DMXL1: variants seen among roughly 807,000 people sequenced by gnomAD.
DMXL1 encodes the protein Dmx like 1.
A neutral mutation model predicts 319.2 loss-of-function variants in DMXL1; 99 were observed. The observed-to-expected ratio is 0.31, with a 90% confidence interval of 0.26 to 0.37. The LOEUF is 0.37. Ranked by LOEUF, DMXL1 falls within the 10% of genes least tolerant of loss-of-function variation. The pLI is 1.00. For missense variants in DMXL1, 3,745 were observed against 3,595.6 expected, an observed-to-expected ratio of 1.04 and a Z score of -1.06; for synonymous variants, 1,385 against 1,235.2, an observed-to-expected ratio of 1.12 and a Z score of -2.54.
intron 8 of DMXL1, among the ~76,000 whole-genome samples, chr5:119,119,944 G>A (rs887272595): frequency 2.0e-5 from 3 of 151,770 alleles, no homozygotes; most frequent in Admixed American, 6.6e-5. Context: ...GTAGTGGGGC[G>A]ATACCAGCTC....
intron 19 of DMXL1, among the ~76,000 whole-genome samples, chr5:119,155,076 G>T (rs1052318626): frequency 1.3e-5 from 2 of 152,148 alleles, no homozygotes; most frequent in South Asian, 2.1e-4. Context: ...ATTTCCTTTC[G>T]AAATATTGCT....
At chr5:119,204,348 A>G (rs1420468497) in intron 33 of DMXL1, among the ~76,000 whole-genome samples, 1 of 152,156 alleles carries the variant, frequency 6.6e-6, no homozygotes, top group African/African-American at 2.4e-5. Flanking sequence ...CATATTGCCC[A>G]GGGTGGTCTT....
intron 38 of DMXL1, among the ~76,000 whole-genome samples, chr5:119,227,412 C>T (rs368684871): frequency 1.3e-5 from 2 of 152,024 alleles, no homozygotes; most frequent in Non-Finnish European, 2.9e-5. Flanking sequence ...TTTTAAAAAC[C>T]TCTTGAGGCT....
intron 32 of DMXL1, among the ~76,000 whole-genome samples, chr5:119,199,015 T>G (rs943608479): frequency 2.0e-5 from 3 of 152,168 alleles, no homozygotes; most frequent in Admixed American, 1.3e-4. Flanking sequence ...CCCTCCTGAA[T>G]AGCTGGGATC....
At chr5:119,191,050 T>A (rs1350734168) in intron 29 of DMXL1, among the ~76,000 whole-genome samples, 2 of 152,346 alleles carry the variant, frequency 1.3e-5, no homozygotes, top group African/African-American at 2.4e-5. Flanking sequence ...TTAGTTTATT[T>A]AAAAAAACTT....
At position 119,129,143 on chromosome 5, in the gene DMXL1, T is replaced by A. The variant is rs1016206554; in HGVS notation, c.1103-68T>A. 49 of 930,414 alleles carry A rather than the reference T, an allele frequency of 5.3e-5. No individual in the cohort carries two copies. The African/African-American group carries it at 7.5e-4, about 14-fold the overall frequency. The allele number at this position is 930,414 out of a possible 1,614,324, so 57.6% of individuals were successfully genotyped here. Reference sequence around the variant, plus strand: ...AATATAAATGTAATAGTAATAAAAATATGAAACATGGATGTTTCATATGCT... The same window carrying A: ...AATATAAATGTAATAGTAATAAAAAAATGAAACATGGATGTTTCATATGCT... On this transcript the variant is annotated intron_variant, in intron 9 of 43. Coordinates refer to ENST00000539542, the MANE Select transcript of DMXL1 (RefSeq NM_001290321.3).
chr5:119,135,916 G>C (rs1183920794), intron 13 of DMXL1, among the ~76,000 whole-genome samples: 1 of 152,168 alleles, frequency 6.6e-6, no homozygotes, highest in Non-Finnish European at 1.5e-5. Context: ...CTGCTATAAG[G>C]ATAACCCAAA....
In DMXL1 at chr5:119,147,473, T is replaced by C; in HGVS notation, c.2911+3T>C. 6.2e-7 allele frequency: 1 copy of C among 1,606,580 alleles called. No individual in the cohort carries two copies. Among genetic ancestry groups the C allele is most frequent in the Non-Finnish European group, 8.5e-7 (1 of 1,174,246 alleles). ...AATAAGTATTAAGCCATCAGCAGGT[T>C]TGTAAATTTTATGAAAAGAGACTAA... On this transcript the variant is annotated splice_donor_region_variant and intron_variant, in intron 17 of 43. Transcript: ENST00000539542.
chr5:119,192,852 C>G (rs1338320464), intron 29 of DMXL1, among the ~76,000 whole-genome samples: 1 of 152,144 alleles, frequency 6.6e-6, no homozygotes, highest in Non-Finnish European at 1.5e-5. Flanking sequence ...CCTTCCCTCT[C>G]ATACCCAGTC....
intron 23 of DMXL1, among the ~76,000 whole-genome samples, chr5:119,169,633 C>T (rs922167789): frequency 6.6e-6 from 1 of 152,104 alleles, no homozygotes; most frequent in Non-Finnish European, 1.5e-5. Context: ...AGAGTTTATA[C>T]ACATAAGTAA....
Position 119,149,980 on chromosome 5 carries a change from G to C in DMXL1, c.4153G>C (p.Asp1385His). 1.2e-6 allele frequency: 2 copies of C among 1,613,890 alleles called. No individual in the cohort carries two copies. The highest frequency in any genetic ancestry group is 1.7e-6 in the Non-Finnish European group (2 of 1,179,910). ...TISASGSTTR[D>H]PQAFNKAENT... ...CAGTGCTAGTGGAAGCACTACCAGA[G>C]ACCCCCAGGCATTCAACAAGGCTGA... Residue 1385 changes from aspartate to histidine, a missense_variant, in exon 18 of 44, where the codon GAC becomes CAC. Coordinates refer to ENST00000539542, the MANE Select transcript of DMXL1 (RefSeq NM_001290321.3).
At chr5:119,202,985 T>A (rs2150456312) in intron 32 of DMXL1, among the ~76,000 whole-genome samples, 1 of 150,308 alleles carries the variant, frequency 6.7e-6, no homozygotes, top group African/African-American at 2.4e-5. Context: ...AATGAATTTT[T>A]AATTTAGACA....
chr5:119,114,491 C>G lies in DMXL1; in HGVS notation c.514C>G (p.His172Asp). 1 of 1,608,514 alleles carries G rather than the reference C, an allele frequency of 6.2e-7. No individual in the cohort carries two copies. The highest frequency in any genetic ancestry group is 8.5e-7 in the Non-Finnish European group (1 of 1,178,150). The change falls in exon 6 of 44, where the codon CAT becomes GAT. Residue 172 changes from histidine to aspartate, a missense_variant. By Grantham distance (81) the His-to-Asp change is moderately conservative. Transcript: ENST00000539542. ...AATTTACAGAACTGCTTCCCAAGTT[C>G]ATTTAATGAAATTTTCACCAGATGG... is the stretch of plus-strand genomic sequence containing the variant. ...IWHCKTASQV[H>D]LMKFSPDGEF...
intron 19 of DMXL1, among the ~76,000 whole-genome samples, chr5:119,153,881 G>A (rs190245445): frequency 6.6e-6 from 1 of 152,344 alleles, no homozygotes; most frequent in Admixed American, 6.5e-5. Flanking sequence ...TGTTGAGCAA[G>A]TCTTTCAGCA....
In DMXL1 at chr5:119,118,837, T is replaced by A; in HGVS notation, c.766T>A (p.Leu256Met). 1 of 1,613,182 alleles carries A rather than the reference T, an allele frequency of 6.2e-7. No individual in the cohort carries two copies. The highest frequency in any genetic ancestry group is 8.5e-7 in the Non-Finnish European group (1 of 1,179,726). The change falls in exon 8 of 44, where the codon TTG (leucine) becomes ATG (methionine). Residue 256 changes from leucine (L) to methionine (M), a missense_variant. Leu to Met is a conservative substitution (Grantham distance 15). Coordinates refer to ENST00000539542, the MANE Select transcript of DMXL1 (RefSeq NM_001290321.3). The stretch of plus-strand genomic sequence containing the variant: ...TAGGGCTTCTGTATGTAATGTACTG[T>A]TGACTTGCTGCAAAGATAATGTGTG... ...MPRASVCNVL[L>M]TCCKDNVCRL...
chr5:119,115,515 C>T (rs1053405697), intron 6 of DMXL1, among the ~76,000 whole-genome samples: 2 of 152,164 alleles, frequency 1.3e-5, no homozygotes, highest in African/African-American at 4.8e-5. Context: ...GTAAGTTACT[C>T]TAAAACCACA....
chr5:119,077,886 TAC>T (rs150990404), intron 1 of DMXL1, among the ~76,000 whole-genome samples: 54,470 of 138,674 alleles, frequency 0.39, 12,754 homozygotes, highest in East Asian at 0.95. Context: ...TAGATATATA[TAC>T]ACACACACAC....
intron 32 of DMXL1, among the ~76,000 whole-genome samples, chr5:119,201,996 T>G (rs1780791958): frequency 6.6e-6 from 1 of 152,298 alleles, no homozygotes; most frequent in South Asian, 2.1e-4. Flanking sequence ...TCTGTCTGTC[T>G]TACTAATTTT....
chr5:119,175,387 T>C (rs1775601969), intron 26 of DMXL1, 50 bp downstream of exon 26: 1 of 1,348,590 alleles, frequency 7.4e-7, no homozygotes, highest in African/African-American at 1.4e-5. Context: ...AGCAATGAGG[T>C]TTCATATTTT....
Sources: gnomAD v4.1 joint callset for allele counts (sites outside exome capture counted in the v4.1 genomes callset) on GRCh38, gnomAD v4.1.1 for gene constraint, MANE v1.5 for transcripts, NCBI Gene and HGNC (gene_info 2026-07-23, HGNC 2026-07-21) for gene names.